Variants in CHD6 observed in about 807,000 individuals in gnomAD.
CHD6 encodes the protein ATP-dependent chromatin remodeler CHD6.
CHD6 carries 50 observed loss-of-function variants against 276.9 expected under a neutral mutation model. The observed-to-expected ratio is 0.18, with a 90% CI of 0.14 to 0.23. The LOEUF is 0.23. CHD6 is among the 10% of genes least tolerant of loss of function. CHD6 has a pLI of 1.00. For synonymous variants in CHD6, 1,173 were observed against 1,229.3 expected, an observed-to-expected ratio of 0.95 and a Z score of 0.96; for missense variants, 2,564 against 3,365.8, an observed-to-expected ratio of 0.76 and a Z score of 5.89.
Position 41,557,064 on chromosome 20 carries a change from C to T in CHD6, c.-23-5704G>A, listed in dbSNP as rs11700196. On this transcript the variant is annotated intron_variant, in intron 1 of 36. Transcript: ENST00000373233. ...TAAAGAACAAATCAAAATGTAATTT[C>T]AGGGTCTCAATACTTAATTAGAAAC... is the stretch of plus-strand genomic sequence containing the variant. Among the ~76,000 whole-genome samples, 773 of 152,304 alleles carry T rather than the reference C, an allele frequency of 5.1e-3. 4 individuals are homozygous for T. The highest frequency in any genetic ancestry group is 7.6e-3 in the Non-Finnish European group (518 of 68,018).
chr20:41,540,860 T>C (rs990057151), intron 2 of CHD6, among the ~76,000 whole-genome samples: 3 of 152,018 alleles, frequency 2.0e-5, no homozygotes, highest in African/African-American at 7.2e-5. Flanking sequence ...AAAATGAAAA[T>C]TCAAAGGAAG....
chr20:41,539,002 C>T (rs1384485795), intron 2 of CHD6, among the ~76,000 whole-genome samples: 1 of 152,186 alleles, frequency 6.6e-6, no homozygotes, highest in Admixed American at 6.5e-5. Flanking sequence ...CCATACCCTG[C>T]ATGGACTGCC....
intron 17 of CHD6, among the ~76,000 whole-genome samples, chr20:41,459,745 T>C (rs575467706): frequency 1.5e-4 from 23 of 152,360 alleles, no homozygotes; most frequent in Non-Finnish European, 2.5e-4. Context: ...TTAAACCTTT[T>C]TTTGTTCCCA....
chr20:41,491,795 G>T lies in CHD6; in HGVS notation c.1339C>A (p.Gln447Lys), dbSNP rs2043561638. 3 of 1,613,784 alleles carry T rather than the reference G, an allele frequency of 1.9e-6. No homozygotes were observed. The highest frequency in any genetic ancestry group is 2.5e-6 in the Non-Finnish European group (3 of 1,179,866). Residue 447 changes from glutamine (Q) to lysine (K), a missense_variant, in exon 11 of 37, where the codon CAG becomes AAG. Gln to Lys is a moderately conservative substitution (Grantham distance 53, BLOSUM62 1). This residue lies in a region of CHD6 where 457 missense variants were observed against 889.0 expected (regional missense o/e 0.51). Coordinates refer to ENST00000373233, the MANE Select transcript of CHD6 (RefSeq NM_032221.5). ...TACTCGCGAGACTTCTCAAGTTTCT[G>T]CCAGGAGTCTGAAGCAGGCCGCTCC... is the stretch of plus-strand genomic sequence containing the variant. ...HVERPASDSW[Q>K]KLEKSREYKN...
Position 41,431,776 on chromosome 20 carries a change from C to CTTTTT in CHD6, c.4068+5493_4068+5497dup, listed in dbSNP as rs61227802. On this transcript the variant is annotated intron_variant, in intron 27 of 36. Transcript: ENST00000373233. ...AGGAATGACATGATGAAAAAACATG[C>CTTTTT]TTTTTTTTTTTTTTTGCTTCATATA... Among the ~76,000 whole-genome samples the CTTTTT allele has an allele frequency of 4.9e-3, 516 of 104,742 alleles. 36 individuals carry two copies. Among genetic ancestry groups the CTTTTT allele is most frequent in the African/African-American group, 0.019 (500 of 26,762 alleles). The allele number at this position is 104,742 out of a possible 152,430, so 68.7% of individuals were successfully genotyped here. A position where few individuals can be genotyped will look rare whatever the true frequency, so the allele number is the denominator to read the frequency against.
At position 41,493,807 on chromosome 20, in the gene CHD6, G is replaced by A. The variant is rs545613475; in HGVS notation, c.1179+51C>T. On this transcript the variant is annotated intron_variant, in intron 9 of 36. Coordinates refer to ENST00000373233, the MANE Select transcript of CHD6 (RefSeq NM_032221.5). ...AGACAAGGGTCACATGTTAAAACAA[G>A]TGAAATACGTGGAAAGAAGGGAAGA... is the stretch of plus-strand genomic sequence containing the variant. The A allele has an allele frequency of 3.0e-5, 47 of 1,578,110 alleles. No homozygotes were observed. The South Asian group carries it at 4.8e-4, about 16-fold the overall frequency.
At chr20:41,531,568 T>C (rs116345270) in intron 3 of CHD6, among the ~76,000 whole-genome samples, 2,495 of 152,316 alleles carry the variant, frequency 0.016, 33 homozygotes, top group Admixed American at 0.035. Flanking sequence ...TTAGGCAGAA[T>C]CCTGAGTTTT....
chr20:41,469,556 C>G (rs1200837755), intron 17 of CHD6, among the ~76,000 whole-genome samples: 2 of 152,210 alleles, frequency 1.3e-5, no homozygotes, highest in Non-Finnish European at 2.9e-5. Flanking sequence ...TCTCAGGCTA[C>G]TGTTATCGTC....
At chr20:41,548,597 G>T (rs1365287862) in intron 2 of CHD6, among the ~76,000 whole-genome samples, 1 of 152,182 alleles carries the variant, frequency 6.6e-6, no homozygotes, top group East Asian at 1.9e-4. Context: ...AGGACTTCAT[G>T]TCTAAAACAC....
In CHD6 at chr20:41,404,011, GTTT is replaced by G; in HGVS notation, c.*579_*581del. ...TTATATTACTACCGGTAAGGTTTTTGTTTTTTATAAAGAAATGAATATATGTAT... is the reference window on the plus strand; with the variant it reads ...TTATATTACTACCGGTAAGGTTTTTGTTTATAAAGAAATGAATATATGTAT... On this transcript the variant is annotated 3_prime_UTR_variant, in exon 37 of 37. Coordinates refer to ENST00000373233, the MANE Select transcript of CHD6 (RefSeq NM_032221.5). 9.5e-7 allele frequency: 1 copy of G among 1,050,960 alleles called. No individual in the cohort carries two copies. Among genetic ancestry groups the G allele is most frequent in the Non-Finnish European group, 1.1e-6 (1 of 870,080 alleles). 65.1% of individuals were successfully genotyped at this position (1,050,960 alleles called of 1,614,324 possible).
At chr20:41,441,647 T>C (rs1323636059) in intron 25 of CHD6, among the ~76,000 whole-genome samples, 1 of 152,192 alleles carries the variant, frequency 6.6e-6, no homozygotes, top group African/African-American at 2.4e-5. Flanking sequence ...TCTCTTGTCA[T>C]GTGTGGATCT....
chr20:41,413,468 A>G lies in CHD6; in HGVS notation c.6987T>C (p.Pro2329=). 2 of 1,608,060 alleles carry G rather than the reference A, an allele frequency of 1.2e-6. No homozygotes were observed. Among genetic ancestry groups the G allele is most frequent in the South Asian group, 1.1e-5 (1 of 90,292 alleles). The stretch of plus-strand genomic sequence containing the variant: ...CCGAGGTGGCAGGCCCTGGCCCCTC[A>G]GGGTGTGTGGTGCTCAAGGTGGCCT... ...PGQATLSTTH[P]EGPGPATSAP... Residue 2329 remains proline, a synonymous_variant, in exon 35 of 37, where the codon CCT becomes CCC. Coordinates refer to ENST00000373233, the MANE Select transcript of CHD6 (RefSeq NM_032221.5).
intron 8 of CHD6, 110 bp downstream of exon 8, chr20:41,497,274 C>A: frequency 1.3e-6 from 1 of 761,134 alleles, no homozygotes; most frequent in Non-Finnish European, 2.3e-6. Context: ...ATCAATTTGA[C>A]TTGAGCAACA....
chr20:41,617,279 G>A (rs1261849466), intron 1 of CHD6, among the ~76,000 whole-genome samples: 3 of 152,058 alleles, frequency 2.0e-5, no homozygotes, highest in Non-Finnish European at 4.4e-5. Flanking sequence ...GGAGAACAGG[G>A]TCCTACGAGC....
chr20:41,533,527 G>C lies in CHD6; in HGVS notation c.77C>G (p.Ala26Gly). ...AGATTTGTAGTCAAAATTGACAGAG[G>C]CATCAGACATTGGGGAGTGATTCAA... The part of the protein sequence containing the change: ...KVLNHSPMSD[A>G]SVNFDYKSPS... Residue 26 changes from alanine (A) to glycine (G), a missense_variant, in exon 3 of 37, where the codon GCC (alanine) becomes GGC (glycine). By Grantham distance (60) the Ala-to-Gly change is moderately conservative (BLOSUM62 0). This residue lies in a region of CHD6 where 286 missense variants were observed against 297.8 expected (regional missense o/e 0.96). Transcript: ENST00000373233. 1 of 1,612,956 alleles carries C rather than the reference G, an allele frequency of 6.2e-7. No homozygotes were observed. The highest frequency in any genetic ancestry group is 8.5e-7 in the Non-Finnish European group (1 of 1,179,924).
At chr20:41,545,936 T>A (rs1247836731) in intron 2 of CHD6, among the ~76,000 whole-genome samples, 9 of 152,136 alleles carry the variant, frequency 5.9e-5, no homozygotes, top group African/African-American at 1.9e-4. Context: ...GGGGCTGACC[T>A]TCCCTTGGCC....
At chr20:41,522,905 G>A (rs576250617) in intron 3 of CHD6, among the ~76,000 whole-genome samples, 2 of 152,090 alleles carry the variant, frequency 1.3e-5, no homozygotes, top group Non-Finnish European at 2.9e-5. Context: ...GTCCAGGATG[G>A]ACACATGACC....
At chr20:41,555,340 G>C (rs866350772) in intron 1 of CHD6, among the ~76,000 whole-genome samples, 1 of 143,854 alleles carries the variant, frequency 7.0e-6, no homozygotes, top group Non-Finnish European at 1.5e-5. Flanking sequence ...CTCCCGGACG[G>C]GGCGGCCGGC....
chr20:41,585,525 A>G (rs2045585543), intron 1 of CHD6, among the ~76,000 whole-genome samples: 1 of 151,986 alleles, frequency 6.6e-6, no homozygotes, highest in African/African-American at 2.4e-5. Context: ...AAAAAAAAAA[A>G]AAAAAAGAAA....
Sources: gnomAD v4.1 joint callset for allele counts (sites outside exome capture counted in the v4.1 genomes callset) on GRCh38, gnomAD v4.1.1 for gene constraint, gnomAD v4.1.1 regional missense constraint, MANE v1.5 for transcripts, NCBI Gene and HGNC (gene_info 2026-07-23, HGNC 2026-07-21) for gene names.